Variants in GFRA1 observed in about 807,000 individuals in gnomAD.
The protein encoded by GFRA1 is GDNF family receptor alpha 1.
In GFRA1, 16 loss-of-function variants were observed where a neutral mutation model predicts 51.6. The ratio of observed to expected loss-of-function variants is 0.31; its 90% confidence interval spans 0.21 to 0.47. The LOEUF is 0.47. Among genes scored for constraint, GFRA1 ranks in the 20% least tolerant of loss-of-function variants. The pLI is 1.00. For missense variants in GFRA1, 530 were observed against 594.3 expected, an observed-to-expected ratio of 0.89 and a Z score of 1.13; for synonymous variants, 270 against 241.3, an observed-to-expected ratio of 1.12 and a Z score of -1.10.
At position 116,137,991 on chromosome 10, in the gene GFRA1, TG is replaced by T. The variant is rs1440023786; in HGVS notation, c.434-12435del. Among the ~76,000 whole-genome samples, 5 of 152,124 alleles carry T rather than the reference TG, an allele frequency of 3.3e-5. No homozygotes were observed. The East Asian group carries it at 9.7e-4, about 29-fold the overall frequency. The stretch of plus-strand genomic sequence containing the variant: ...TAATTTTTTGTATTTTTAGTAGAGA[TG>T]GGGTTTCTCCACGTTGGTCAGGCTG... On this transcript the variant is annotated intron_variant, in intron 5 of 10. Transcript: ENST00000355422.
At chr10:116,174,482 C>T (rs1489275029) in intron 5 of GFRA1, among the ~76,000 whole-genome samples, 1 of 152,178 alleles carries the variant, frequency 6.6e-6, no homozygotes, top group Non-Finnish European at 1.5e-5. Context: ...ACTTTTAAGA[C>T]TTCAATGTGT....
intron 5 of GFRA1, among the ~76,000 whole-genome samples, chr10:116,139,040 C>T (rs536735001): frequency 2.0e-5 from 3 of 152,324 alleles, no homozygotes; most frequent in East Asian, 1.9e-4. Context: ...GCAGTATTCT[C>T]GTGGTGTTGG....
chr10:116,104,901 A>T lies in GFRA1; in HGVS notation c.771-8137T>A, dbSNP rs1427007323. The stretch of plus-strand genomic sequence containing the variant: ...GTCCCTGAACTGCCCTTTTGCCAGG[A>T]ATCCACTGCCCTCCACCTATTTATC... On this transcript the variant is annotated intron_variant, in intron 6 of 10. Coordinates refer to ENST00000355422, the MANE Select transcript of GFRA1 (RefSeq NM_005264.8). Among the ~76,000 whole-genome samples, 9 of 152,334 alleles carry T rather than the reference A, an allele frequency of 5.9e-5. No homozygotes were observed. In the East Asian group the frequency reaches 1.2e-3, roughly 20 times the overall value.
chr10:116,093,885 CCAT>C, intron 7 of GFRA1, 49 bp from the exon 8 acceptor site: 1 of 1,591,842 alleles, frequency 6.3e-7, no homozygotes, highest in South Asian at 1.1e-5. Context: ...TGATACTTTT[CCAT>C]GGCCTAAAAA....
At chr10:116,124,871 C>T (rs1957788574) in intron 6 of GFRA1, among the ~76,000 whole-genome samples, 1 of 152,132 alleles carries the variant, frequency 6.6e-6, no homozygotes, top group African/African-American at 2.4e-5. Context: ...TCACTGGCAG[C>T]CCTCAGGACT....
chr10:116,247,031 C>T (rs926800047), intron 4 of GFRA1, among the ~76,000 whole-genome samples: 3 of 152,122 alleles, frequency 2.0e-5, no homozygotes, highest in African/African-American at 4.8e-5. Flanking sequence ...ACAGCTCTGC[C>T]GAGGCAAAGA....
chr10:116,242,290 C>A (rs753381909), intron 4 of GFRA1, among the ~76,000 whole-genome samples: 10 of 152,140 alleles, frequency 6.6e-5, no homozygotes, highest in Non-Finnish European at 1.0e-4. Flanking sequence ...AGACTGGCTT[C>A]AAGTTTAAAG....
chr10:116,211,506 C>G, intron 5 of GFRA1, 125 bp downstream of exon 5: 1 of 863,154 alleles, frequency 1.2e-6, no homozygotes, highest in Non-Finnish European at 1.9e-6. Context: ...TCATGGTGTC[C>G]CTGAGGGCCT....
chr10:116,169,758 A>C (rs761742447), intron 5 of GFRA1, among the ~76,000 whole-genome samples: 1 of 152,136 alleles, frequency 6.6e-6, no homozygotes, highest in Non-Finnish European at 1.5e-5. Flanking sequence ...ACCATCCTTC[A>C]AGTCCATGTG....
rs139824380 is a variant in GFRA1, at chr10:116,116,654, G to A, written c.770+8567C>T. The stretch of plus-strand genomic sequence containing the variant: ...TAATAATATTAATAGTAAAGCCAGC[G>A]TGGCCTGGAAGGGTATTTTTTTCCT... On this transcript the variant is annotated intron_variant, in intron 6 of 10. Transcript: ENST00000355422. Among the ~76,000 whole-genome samples, 788 of 152,330 alleles carry A rather than the reference G, an allele frequency of 5.2e-3. 6 individuals carry two copies. Among genetic ancestry groups the A allele is most frequent in the African/African-American group, 0.018 (746 of 41,580 alleles).
At chr10:116,182,728 C>T (rs1014915712) in intron 5 of GFRA1, among the ~76,000 whole-genome samples, 4 of 152,224 alleles carry the variant, frequency 2.6e-5, no homozygotes, top group Admixed American at 6.5e-5. Context: ...AGGAGATAAA[C>T]GCAATGAACC....
chr10:116,064,152 C>CT lies in GFRA1; in HGVS notation c.*245_*246insA, dbSNP rs1266799252. The stretch of plus-strand genomic sequence containing the variant: ...CTTTACAGCCCAAGTTACAAACTGT[C>CT]CCTTTAAAATACAGCATATCCCAAA... On this transcript the variant is annotated 3_prime_UTR_variant, in exon 11 of 11. Transcript: ENST00000355422. The CT allele has an allele frequency of 2.6e-5, 12 of 463,126 alleles. No individual in the cohort carries two copies. The allele number at this position is 463,126 out of a possible 1,614,324, so 28.7% of individuals were successfully genotyped here.
chr10:116,199,817 C>T (rs781543355), intron 5 of GFRA1, among the ~76,000 whole-genome samples: 2 of 152,104 alleles, frequency 1.3e-5, no homozygotes, highest in Non-Finnish European at 2.9e-5. Flanking sequence ...TAGCCAAAAC[C>T]CTACTAAGAT....
chr10:116,268,282 A>G (rs545612183), intron 4 of GFRA1, among the ~76,000 whole-genome samples: 80 of 152,226 alleles, frequency 5.3e-4, no homozygotes, highest in Non-Finnish European at 1.0e-3. Context: ...CTATGCCTCA[A>G]TTTATTCATC....
intron 4 of GFRA1, among the ~76,000 whole-genome samples, chr10:116,250,080 G>C (rs2134686731): frequency 6.6e-6 from 1 of 152,330 alleles, no homozygotes; most frequent in Middle Eastern, 3.4e-3. Flanking sequence ...CTTTGAGGCA[G>C]AACAAGAGAG....
At chr10:116,112,775 C>T (rs1360994793) in intron 6 of GFRA1, among the ~76,000 whole-genome samples, 3 of 152,232 alleles carry the variant, frequency 2.0e-5, no homozygotes, top group Non-Finnish European at 4.4e-5. Context: ...ACGGTAGATG[C>T]TCCAAGGTTC....
intron 4 of GFRA1, among the ~76,000 whole-genome samples, chr10:116,236,178 C>T (rs1020530538): frequency 2.0e-5 from 3 of 152,250 alleles, no homozygotes; most frequent in Non-Finnish European, 4.4e-5. Context: ...CCCCTAGTGC[C>T]CTCTGAGGAT....
intron 4 of GFRA1, among the ~76,000 whole-genome samples, chr10:116,248,276 G>C (rs983508168): frequency 2.0e-5 from 3 of 152,142 alleles, no homozygotes; most frequent in African/African-American, 4.8e-5. Flanking sequence ...CTATGAGGCT[G>C]GGCCAAGTCT....
chr10:116,087,851 C>T (rs1471459925), intron 9 of GFRA1, among the ~76,000 whole-genome samples: 1 of 152,194 alleles, frequency 6.6e-6, no homozygotes, highest in African/African-American at 2.4e-5. Context: ...CTGAACACAT[C>T]ATTTCCCTGC....
Sources: allele counts gnomAD v4.1 joint callset (sites outside exome capture counted in the v4.1 genomes callset), GRCh38; gene constraint gnomAD v4.1.1; transcripts MANE v1.5; gene names NCBI Gene and HGNC (gene_info 2026-07-23, HGNC 2026-07-21).